Variants in LRP1B observed in about 807,000 individuals in gnomAD.
LRP1B encodes the protein low-density lipoprotein receptor-related protein 1B.
LRP1B carries 217 observed loss-of-function variants against 556.6 expected under a neutral mutation model. The observed-to-expected ratio is 0.39, with a 90% CI of 0.35 to 0.44. LRP1B has a LOEUF of 0.44. Ranked by LOEUF, LRP1B falls within the 20% of genes least tolerant of loss-of-function variation. LRP1B has a pLI of 1.00. For missense variants in LRP1B, 5,053 were observed against 5,620.8 expected (o/e 0.90, Z 3.23); for synonymous variants, 2,047 against 1,865.8 (o/e 1.10, Z -2.50).
chr2:141,374,947 C>G (rs1018448808), intron 3 of LRP1B, among the ~76,000 whole-genome samples: 1 of 152,148 alleles, frequency 6.6e-6, no homozygotes, highest in Admixed American at 6.5e-5. Context: ...TGCTTTTACA[C>G]ATTTCCTGTG....
At chr2:140,564,055 T>C (rs1246572499) in intron 43 of LRP1B, among the ~76,000 whole-genome samples, 1 of 152,182 alleles carries the variant, frequency 6.6e-6, no homozygotes, top group African/African-American at 2.4e-5. Flanking sequence ...CTGATAGTAA[T>C]ATAGAGTTAG....
intron 1 of LRP1B, among the ~76,000 whole-genome samples, chr2:142,033,280 C>A (rs1186898329): frequency 2.0e-5 from 3 of 151,628 alleles, no homozygotes; most frequent in Non-Finnish European, 4.4e-5. Flanking sequence ...AATTACATTA[C>A]CCCAGAAAAT....
At chr2:140,348,987 C>A (rs183271703) in intron 77 of LRP1B, among the ~76,000 whole-genome samples, 1 of 151,992 alleles carries the variant, frequency 6.6e-6, no homozygotes, top group African/African-American at 2.4e-5. Context: ...CTAGATTCCT[C>A]GCATCCACAT....
intron 32 of LRP1B, among the ~76,000 whole-genome samples, chr2:140,808,197 C>A (rs971707291): frequency 3.0e-5 from 2 of 65,706 alleles, no homozygotes; most frequent in Non-Finnish European, 8.8e-5. Flanking sequence ...GTTAACAGTC[C>A]TCATTAAACA....
intron 2 of LRP1B, among the ~76,000 whole-genome samples, chr2:141,681,497 A>AT (rs78878410): frequency 0.22 from 33,868 of 151,800 alleles, 4,424 homozygotes; most frequent in East Asian, 0.5. Flanking sequence ...TCAATAATTT[A>AT]TTTTTTTCCT....
At chr2:141,211,251 G>C (rs1030756059) in intron 6 of LRP1B, among the ~76,000 whole-genome samples, 9 of 150,572 alleles carry the variant, frequency 6.0e-5, no homozygotes, top group African/African-American at 2.2e-4. Context: ...GCCTCCCAGA[G>C]TGCTGGGATT....
intron 35 of LRP1B, among the ~76,000 whole-genome samples, chr2:140,732,698 GA>G (rs35681080): frequency 0.15 from 21,457 of 146,178 alleles, 1,634 homozygotes; most frequent in South Asian, 0.2. Flanking sequence ...GGATGAAATG[GA>G]AAAAAAAAAA....
At chr2:142,012,745 A>C (rs1702995470) in intron 1 of LRP1B, among the ~76,000 whole-genome samples, 1 of 152,152 alleles carries the variant, frequency 6.6e-6, no homozygotes, top group Admixed American at 6.5e-5. Flanking sequence ...TTTGTAATCT[A>C]CTCTTAGAAA....
chr2:141,206,774 C>T (rs1682303450), intron 6 of LRP1B, among the ~76,000 whole-genome samples: 1 of 152,044 alleles, frequency 6.6e-6, no homozygotes, highest in South Asian at 2.1e-4. Flanking sequence ...AAAGTGCATT[C>T]AGAAATTGGC....
At chr2:141,172,614 A>G (rs971413831) in intron 7 of LRP1B, among the ~76,000 whole-genome samples, 1 of 152,092 alleles carries the variant, frequency 6.6e-6, no homozygotes, top group Non-Finnish European at 1.5e-5. Context: ...CACTATCAAC[A>G]GCTTATTCAC....
At chr2:141,859,252 T>G (rs1401541085) in intron 1 of LRP1B, among the ~76,000 whole-genome samples, 1 of 152,196 alleles carries the variant, frequency 6.6e-6, no homozygotes, top group African/African-American at 2.4e-5. Context: ...TAATTATCTG[T>G]AAAATGCTAC....
At position 140,400,006 on chromosome 2, in the gene LRP1B, G is replaced by A. The variant is rs16843913; in HGVS notation, c.10415-13997C>T. On this transcript the variant is annotated intron_variant, in intron 66 of 90. Coordinates refer to ENST00000389484, the MANE Select transcript of LRP1B (RefSeq NM_018557.3). ...AGCTTTGGTTGGTAATTTGTGGTTA[G>A]AGCAGAAGAACAACAACATCTTGAG... 3.0e-3 allele frequency among the ~76,000 whole-genome samples: 455 copies of A among 152,274 alleles called. 4 individuals carry two copies. Among genetic ancestry groups the A allele is most frequent in the African/African-American group, 0.011 (444 of 41,558 alleles).
intron 15 of LRP1B, among the ~76,000 whole-genome samples, chr2:140,998,854 C>T (rs531031230): frequency 1.1e-4 from 17 of 152,048 alleles, no homozygotes; most frequent in Non-Finnish European, 2.1e-4. Flanking sequence ...GTCACAATGG[C>T]TGCAACTTTG....
At chr2:141,213,644 A>C (rs1253372260) in intron 6 of LRP1B, among the ~76,000 whole-genome samples, 1 of 152,214 alleles carries the variant, frequency 6.6e-6, no homozygotes, top group East Asian at 1.9e-4. Context: ...ACTATAATGA[A>C]ACATTGTTGA....
At chr2:140,546,680 C>G (rs565271533) in intron 43 of LRP1B, among the ~76,000 whole-genome samples, 1 of 152,172 alleles carries the variant, frequency 6.6e-6, no homozygotes, top group African/African-American at 2.4e-5. Flanking sequence ...ATTATGGGAA[C>G]TACATTTCAA....
intron 2 of LRP1B, among the ~76,000 whole-genome samples, chr2:141,482,059 G>A (rs966612881): frequency 4.6e-5 from 7 of 151,946 alleles, no homozygotes; most frequent in African/African-American, 1.7e-4. Context: ...ATAATTAAAA[G>A]GCCAATCTAA....
intron 7 of LRP1B, among the ~76,000 whole-genome samples, chr2:141,164,235 C>A (rs899550162): frequency 6.6e-6 from 1 of 151,850 alleles, no homozygotes. Flanking sequence ...ACTAAGCGTT[C>A]TGTGGAATTT....
intron 31 of LRP1B, among the ~76,000 whole-genome samples, chr2:140,825,754 T>C (rs571212494): frequency 4.6e-5 from 7 of 152,306 alleles, no homozygotes; most frequent in African/African-American, 1.7e-4. Context: ...TAAACAATTA[T>C]GGAAATCAAC....
At chr2:141,644,279 C>T (rs1052269449) in intron 2 of LRP1B, among the ~76,000 whole-genome samples, 2 of 151,970 alleles carry the variant, frequency 1.3e-5, no homozygotes, top group African/African-American at 2.4e-5. Context: ...CTTCCCAGTG[C>T]TGTTCTTATG....
Sources: allele counts gnomAD v4.1 joint callset (sites outside exome capture counted in the v4.1 genomes callset), GRCh38; gene constraint gnomAD v4.1.1; transcripts MANE v1.5; gene names NCBI Gene and HGNC (gene_info 2026-07-23, HGNC 2026-07-21).